SENP6: variants seen among roughly 807,000 people sequenced by gnomAD.
The protein encoded by SENP6 is sentrin-specific protease 6.
Under a neutral mutation model 134.5 loss-of-function variants are expected in SENP6, and 41 were observed. That is an observed-to-expected ratio of 0.30 (90% CI 0.24 to 0.40). The LOEUF (loss-of-function observed/expected upper bound fraction) is 0.40. Among genes scored for constraint, SENP6 ranks in the 10% least tolerant of loss-of-function variants. The pLI, the probability that SENP6 is intolerant of heterozygous loss-of-function variation, is 1.00. For synonymous variants in SENP6, 395 were observed against 429.8 expected, an observed-to-expected ratio of 0.92 and a Z score of 1.00; for missense variants, 1,248 against 1,312.5, an observed-to-expected ratio of 0.95 and a Z score of 0.76.
At chr6:75,681,424 A>G (rs980629015) in intron 16 of SENP6, among the ~76,000 whole-genome samples, 5 of 148,194 alleles carry the variant, frequency 3.4e-5, no homozygotes, top group African/African-American at 1.2e-4. Flanking sequence ...AGTCAATTAA[A>G]CCTCTTTTCT....
chr6:75,705,538 C>T (rs901292727), intron 19 of SENP6, among the ~76,000 whole-genome samples: 13 of 151,814 alleles, frequency 8.6e-5, no homozygotes, highest in African/African-American at 3.1e-4. Flanking sequence ...AGCGAGACTC[C>T]ATCTCAAAAA....
intron 9 of SENP6, among the ~76,000 whole-genome samples, chr6:75,663,807 G>GTT (rs1562021564): frequency 0.094 from 1,269 of 13,504 alleles, 37 homozygotes; most frequent in African/African-American, 0.15. Context: ...GCTGATAGTG[G>GTT]GTTTTTTTTT....
rs71544060 is a variant in SENP6 at position 75,699,354 on chromosome 6, C to CTTTTTTTTTTTTTTTT, written c.2288+1842_2288+1857dup. Among the ~76,000 whole-genome samples, 11 of 115,016 alleles carry CTTTTTTTTTTTTTTTT rather than the reference C, an allele frequency of 9.6e-5. 1 individual carries two copies. Among genetic ancestry groups the CTTTTTTTTTTTTTTTT allele is most frequent in the Non-Finnish European group, 1.6e-4 (9 of 56,980 alleles). 75.5% of individuals were successfully genotyped at this position (115,016 alleles called of 152,430 possible). On this transcript the variant is annotated intron_variant, in intron 18 of 23. Coordinates refer to ENST00000447266, the MANE Select transcript of SENP6 (RefSeq NM_015571.4). ...TCAAGAGAGCTTGTTTTTGTTTTTG[C>CTTTTTTTTTTTTTTTT]TTTTTTTTTTTTTTTTTTTTGAAGA...
intron 5 of SENP6, among the ~76,000 whole-genome samples, chr6:75,636,843 TCTC>T (rs1182139025): frequency 2.0e-5 from 3 of 151,754 alleles, no homozygotes; most frequent in Non-Finnish European, 4.4e-5. Flanking sequence ...TTTTACAGCT[TCTC>T]CTAAATTTTC....
intron 1 of SENP6, among the ~76,000 whole-genome samples, chr6:75,607,556 T>C (rs1418901124): frequency 1.3e-5 from 2 of 152,196 alleles, no homozygotes; most frequent in African/African-American, 4.8e-5. Context: ...CCTTTTTTTT[T>C]TAACCAAGTG....
intron 8 of SENP6, among the ~76,000 whole-genome samples, chr6:75,660,416 A>G (rs1234700787): frequency 6.6e-6 from 1 of 152,170 alleles, no homozygotes; most frequent in Non-Finnish European, 1.5e-5. Context: ...TTATATCAGC[A>G]TGTACATATG....
chr6:75,645,305 C>T (rs1349223137), intron 6 of SENP6, among the ~76,000 whole-genome samples: 1 of 152,142 alleles, frequency 6.6e-6, no homozygotes, highest in African/African-American at 2.4e-5. Flanking sequence ...GTAATGGAAT[C>T]CTCAAATTAA....
chr6:75,683,809 A>G (rs1007331686), intron 16 of SENP6, among the ~76,000 whole-genome samples: 6 of 152,102 alleles, frequency 3.9e-5, no homozygotes, highest in Non-Finnish European at 7.4e-5. Context: ...GCTTTGTAGT[A>G]TAGTTTGAAG....
chr6:75,710,012 T>G (rs572139664), intron 20 of SENP6, among the ~76,000 whole-genome samples: 3 of 152,158 alleles, frequency 2.0e-5, no homozygotes, highest in Non-Finnish European at 4.4e-5. Context: ...GTAATACTGA[T>G]TAACTCACCC....
intron 10 of SENP6, 56 bp from the exon 11 acceptor site, chr6:75,670,497 A>G (rs1450194314): frequency 7.6e-7 from 1 of 1,318,306 alleles, no homozygotes; most frequent in East Asian, 2.3e-5. Flanking sequence ...GTTTATACTT[A>G]GCTTGCAGCC....
At chr6:75,692,717 G>GC (rs1774361792) in intron 16 of SENP6, among the ~76,000 whole-genome samples, 1 of 150,486 alleles carries the variant, frequency 6.6e-6, no homozygotes, top group Admixed American at 6.6e-5. Context: ...CACATCCCTC[G>GC]CCCCCCATCC....
intron 1 of SENP6, among the ~76,000 whole-genome samples, chr6:75,607,734 A>C (rs929024011): frequency 2.6e-5 from 4 of 152,186 alleles, no homozygotes. Context: ...AAACTGTTGC[A>C]TGCAATGTTG....
intron 16 of SENP6, among the ~76,000 whole-genome samples, chr6:75,685,247 T>C (rs537439404): frequency 6.6e-6 from 1 of 152,358 alleles, no homozygotes; most frequent in East Asian, 1.9e-4. Context: ...ATATCCCCTT[T>C]ATCATTTTTT....
intron 1 of SENP6, among the ~76,000 whole-genome samples, chr6:75,614,966 C>T (rs980523914): frequency 3.3e-5 from 5 of 152,142 alleles, no homozygotes; most frequent in Admixed American, 6.5e-5. Context: ...TCTCGGCTCA[C>T]TGCAATTTCC....
chr6:75,603,062 G>A (rs1766758014), intron 1 of SENP6, among the ~76,000 whole-genome samples: 1 of 152,194 alleles, frequency 6.6e-6, no homozygotes, highest in Admixed American at 6.5e-5. Flanking sequence ...TGCTTTTGCA[G>A]CCAGCCTTCA....
chr6:75,638,578 GTGTGTGTGTGTGTATATATA>G (rs1465592643), intron 5 of SENP6, among the ~76,000 whole-genome samples: 8 of 14,224 alleles, frequency 5.6e-4, no homozygotes, highest in East Asian at 1.8e-3. Flanking sequence ...GTGTGTGTGT[GTGTGTGTGTGTGTATATATA>G]TATATATATA....
At chr6:75,630,437 T>A (rs1414661316) in intron 3 of SENP6, among the ~76,000 whole-genome samples, 6 of 152,196 alleles carry the variant, frequency 3.9e-5, no homozygotes, top group Admixed American at 3.9e-4. Flanking sequence ...TTTAAATAAT[T>A]GCCTTTGGGC....
intron 11 of SENP6, 100 bp downstream of exon 11, chr6:75,670,820 T>A: frequency 2.0e-6 from 1 of 505,950 alleles, no homozygotes; most frequent in Non-Finnish European, 2.8e-6. Flanking sequence ...TTAAAATATT[T>A]AATAGAATAT....
At chr6:75,707,355 CTTTTTTTTTT>C (rs10564996) in intron 19 of SENP6, among the ~76,000 whole-genome samples, 13 of 74,700 alleles carry the variant, frequency 1.7e-4, no homozygotes, top group African/African-American at 6.3e-4. Flanking sequence ...TCTTCTTCTT[CTTTTTTTTTT>C]TTTTTTTTTT....
Sources: allele counts gnomAD v4.1 joint callset (sites outside exome capture counted in the v4.1 genomes callset), GRCh38; gene constraint gnomAD v4.1.1; transcripts MANE v1.5; gene names NCBI Gene and HGNC (gene_info 2026-07-23, HGNC 2026-07-21).